The following TRPS1 variants were observed in gnomAD, a reference collection of about 807,000 sequenced individuals.
The protein encoded by TRPS1 is zinc finger transcription factor Trps1.
A neutral mutation model predicts 101.2 loss-of-function variants in TRPS1; 6 were observed. The observed-to-expected ratio is 0.06, with a 90% CI of 0.03 to 0.12. TRPS1 has a LOEUF of 0.12. Among genes scored for constraint, TRPS1 ranks in the 10% least tolerant of loss-of-function variants. The probability of loss-of-function intolerance (pLI) is 1.00; values close to 1 mark genes in which losing one functional copy is unlikely to be tolerated. For missense variants in TRPS1, 1,363 were observed against 1,567.0 expected, an observed-to-expected ratio of 0.87 and a Z score of 2.20; for synonymous variants, 578 against 589.8, an observed-to-expected ratio of 0.98 and a Z score of 0.29.
At position 115,587,342 on chromosome 8, in the gene TRPS1, CCTT is replaced by C; in HGVS notation, c.2356_2358del (p.Lys786del). 1.9e-6 allele frequency: 3 copies of C among 1,614,216 alleles called. No homozygotes were observed. The highest frequency in any genetic ancestry group is 2.5e-6 in the Non-Finnish European group (3 of 1,180,028). On this transcript the variant is annotated inframe_deletion, in exon 5 of 7. Coordinates refer to ENST00000395715, the MANE Select transcript of TRPS1 (RefSeq NM_014112.5). Reference sequence around the variant, plus strand: ...GTCCAAACTTTCTCTTTGAGCCCGTCCTTCTCTTCCAGCTTCTCTCTCTTCACC... The same window carrying C: ...GTCCAAACTTTCTCTTTGAGCCCGTCCTCTTCCAGCTTCTCTCTCTTCACC...
chr8:115,547,069 G>A (rs1360721189), intron 5 of TRPS1, among the ~76,000 whole-genome samples: 2 of 151,974 alleles, frequency 1.3e-5, no homozygotes, highest in African/African-American at 2.4e-5. Flanking sequence ...TCCAAATTAC[G>A]GGATGTTTAC....
chr8:115,442,144 C>A (rs1173575741), intron 5 of TRPS1, among the ~76,000 whole-genome samples: 2 of 152,030 alleles, frequency 1.3e-5, no homozygotes, highest in Non-Finnish European at 2.9e-5. Context: ...TTGTAAAGTT[C>A]ATTATTTAGT....
At chr8:115,461,887 T>C (rs886855287) in intron 5 of TRPS1, among the ~76,000 whole-genome samples, 1 of 152,068 alleles carries the variant, frequency 6.6e-6, no homozygotes, top group African/African-American at 2.4e-5. Flanking sequence ...ATAAAAATAA[T>C]ATAACGAAAG....
chr8:115,556,040 A>G (rs1324948694), intron 5 of TRPS1, among the ~76,000 whole-genome samples: 2 of 152,078 alleles, frequency 1.3e-5, no homozygotes, highest in South Asian at 2.1e-4. Context: ...AAAATAAAAT[A>G]AAGTAAAAAG....
At chr8:115,655,613 A>ACATG (rs1468235358) in intron 1 of TRPS1, among the ~76,000 whole-genome samples, 1 of 152,164 alleles carries the variant, frequency 6.6e-6, no homozygotes, top group African/African-American at 2.4e-5. Context: ...CAGAAAGTTA[A>ACATG]TATATATGTA....
intron 5 of TRPS1, among the ~76,000 whole-genome samples, chr8:115,439,104 T>G (rs1395372539): frequency 6.6e-6 from 1 of 152,154 alleles, no homozygotes; most frequent in Non-Finnish European, 1.5e-5. Flanking sequence ...CAGTGAGAAG[T>G]GCAGTGGGGC....
chr8:115,569,097 T>C (rs965831265), intron 5 of TRPS1, among the ~76,000 whole-genome samples: 1 of 152,138 alleles, frequency 6.6e-6, no homozygotes, highest in African/African-American at 2.4e-5. Flanking sequence ...TACATCCCCG[T>C]AAACTACCCA....
chr8:115,618,849 A>G (rs1299668229), intron 3 of TRPS1, among the ~76,000 whole-genome samples: 2 of 152,212 alleles, frequency 1.3e-5, no homozygotes, highest in African/African-American at 2.4e-5. Context: ...TCAAATTACC[A>G]TGACATATGC....
chr8:115,507,492 A>G (rs1366228669), intron 5 of TRPS1, among the ~76,000 whole-genome samples: 1 of 151,968 alleles, frequency 6.6e-6, no homozygotes, highest in Non-Finnish European at 1.5e-5. Flanking sequence ...TCACACATGG[A>G]ATCAATATGT....
rs144287939 is a variant in TRPS1 at position 115,540,541 on chromosome 8, C to A, written c.2700+46460G>T. ...CTTGATCTTCCATTACTGCAGAATT[C>A]ATCTTATCAGTTGACTGATCAGTAG... On this transcript the variant is annotated intron_variant, in intron 5 of 6. Coordinates refer to ENST00000395715, the MANE Select transcript of TRPS1 (RefSeq NM_014112.5). Among the ~76,000 whole-genome samples, 9 of 152,064 alleles carry A rather than the reference C, an allele frequency of 5.9e-5. No individual in the cohort carries two copies. The East Asian group carries it at 1.7e-3, about 29-fold the overall frequency.
intron 5 of TRPS1, among the ~76,000 whole-genome samples, chr8:115,505,931 T>C (rs971334695): frequency 9.7e-5 from 9 of 92,448 alleles, no homozygotes; most frequent in Non-Finnish European, 1.9e-4. Flanking sequence ...ATTTGGAAAG[T>C]TGTATATGGG....
rs559480464 is a variant in TRPS1 at position 115,413,938 on chromosome 8, T to A, written c.*85A>T. On this transcript the variant is annotated 3_prime_UTR_variant, in exon 7 of 7. Coordinates refer to ENST00000395715, the MANE Select transcript of TRPS1 (RefSeq NM_014112.5). ...AGGCAGGCTCTATGAAGTATTTTTTTAATAGGTCTTCATAAGACATTACAA... is the reference window on the plus strand; with the variant it reads ...AGGCAGGCTCTATGAAGTATTTTTTAAATAGGTCTTCATAAGACATTACAA... The A allele has an allele frequency of 4.3e-5, 59 of 1,376,626 alleles. No homozygotes were observed. The highest frequency in any genetic ancestry group is 1.3e-4 in the South Asian group (10 of 75,056). 85.3% of individuals were successfully genotyped at this position (1,376,626 alleles called of 1,614,324 possible).
At chr8:115,423,210 ATTGT>A (rs1813110788) in intron 5 of TRPS1, among the ~76,000 whole-genome samples, 1 of 152,152 alleles carries the variant, frequency 6.6e-6, no homozygotes, top group South Asian at 2.1e-4. Flanking sequence ...CGAGAAAATG[ATTGT>A]TTGCTTTTCT....
intron 1 of TRPS1, 111 bp downstream of exon 1, chr8:115,668,434 C>A (rs1247014825): frequency 7.7e-5 from 11 of 142,924 alleles, no homozygotes; most frequent in African/African-American, 2.3e-4. Flanking sequence ...CGCACACGAG[C>A]GGGCGCTGCA....
At chr8:115,523,518 C>G (rs575485271) in intron 5 of TRPS1, among the ~76,000 whole-genome samples, 2 of 151,990 alleles carry the variant, frequency 1.3e-5, no homozygotes, top group South Asian at 2.1e-4. Flanking sequence ...GGCAATAGAG[C>G]GAGGCTCTGT....
At chr8:115,623,487 T>A (rs1221974522) in intron 2 of TRPS1, 114 bp downstream of exon 2, 7 of 1,273,526 alleles carry the variant, frequency 5.5e-6, no homozygotes, top group Non-Finnish European at 7.8e-6. Context: ...ACCATAAGAC[T>A]ATAGCCACCC....
At chr8:115,560,482 T>G (rs1816920878) in intron 5 of TRPS1, among the ~76,000 whole-genome samples, 1 of 152,164 alleles carries the variant, frequency 6.6e-6, no homozygotes, top group African/African-American at 2.4e-5. Context: ...TGAACTATTT[T>G]GAACATTCCA....
intron 5 of TRPS1, among the ~76,000 whole-genome samples, chr8:115,501,682 G>C (rs947119843): frequency 5.3e-5 from 8 of 152,258 alleles, no homozygotes; most frequent in Admixed American, 4.6e-4. Context: ...CTCTATCTTT[G>C]TAAATAGTAC....
intron 5 of TRPS1, among the ~76,000 whole-genome samples, chr8:115,453,933 C>A (rs894585914): frequency 2.0e-5 from 3 of 152,166 alleles, no homozygotes; most frequent in Non-Finnish European, 4.4e-5. Context: ...TGTGGTCATT[C>A]AACTTCAGTG....
Sources: allele counts gnomAD v4.1 joint callset (sites outside exome capture counted in the v4.1 genomes callset), GRCh38; gene constraint gnomAD v4.1.1; transcripts MANE v1.5; gene names NCBI Gene and HGNC (gene_info 2026-07-23, HGNC 2026-07-21).